The following UGT1A8 variants were observed in gnomAD, a reference collection of about 807,000 sequenced individuals.
The protein encoded by UGT1A8 is UDP glucuronosyltransferase family 1 member A8.
UGT1A8 carries 39 observed loss-of-function variants against 45.3 expected under a neutral mutation model. That is an observed-to-expected ratio of 0.86 (90% CI 0.67 to 1.12). The LOEUF (loss-of-function observed/expected upper bound fraction) is 1.12, where lower values mean the gene tolerates loss of function less well. UGT1A8 is among the 50% of genes most tolerant of loss of function. The pLI is 0.00. For missense variants in UGT1A8, 719 were observed against 664.9 expected, an observed-to-expected ratio of 1.08 and a Z score of -0.90; for synonymous variants, 275 against 249.2, an observed-to-expected ratio of 1.10 and a Z score of -0.97.
At chr2:233,660,847 GC>G (rs1271455589) in intron 1 of UGT1A8, among the ~76,000 whole-genome samples, 1 of 152,086 alleles carries the variant, frequency 6.6e-6, no homozygotes, top group Admixed American at 6.6e-5. Context: ...GAAGTCACCT[GC>G]TACCTCTTGT....
intron 3 of UGT1A8, 72 bp downstream of exon 3, chr2:233,768,008 C>A (rs1699546066): frequency 1.9e-6 from 3 of 1,613,978 alleles, no homozygotes; most frequent in Admixed American, 1.7e-5. Context: ...CACAGCTATT[C>A]TAAAGGATTG....
chr2:233,746,462 G>C (rs1030213757), intron 1 of UGT1A8, among the ~76,000 whole-genome samples: 10 of 151,612 alleles, frequency 6.6e-5, no homozygotes, highest in Admixed American at 3.9e-4. Context: ...CCTTCAAAAG[G>C]GTTCCAGAAA....
At chr2:233,629,243 C>T (rs1200866476) in intron 1 of UGT1A8, among the ~76,000 whole-genome samples, 2 of 152,138 alleles carry the variant, frequency 1.3e-5, no homozygotes, top group Non-Finnish European at 2.9e-5. Flanking sequence ...TAGCTTAGTT[C>T]ACTCTGCACA....
chr2:233,771,170 G>A (rs1309098130), intron 4 of UGT1A8: 1 of 152,100 alleles, frequency 6.6e-6, no homozygotes, highest in African/African-American at 2.4e-5. Flanking sequence ...CCAGCACTGG[G>A]GATTACAATT....
chr2:233,623,184 G>A (rs1373022312), intron 1 of UGT1A8, among the ~76,000 whole-genome samples: 1 of 152,070 alleles, frequency 6.6e-6, no homozygotes, highest in African/African-American at 2.4e-5. Flanking sequence ...TGTTCTTTTT[G>A]CTTAGGATTG....
intron 1 of UGT1A8, among the ~76,000 whole-genome samples, chr2:233,657,336 C>T (rs1180497199): frequency 6.6e-6 from 1 of 152,158 alleles, no homozygotes; most frequent in Non-Finnish European, 1.5e-5. Context: ...CTCAGTTCTG[C>T]AGGCTGTATA....
chr2:233,683,362 A>C (rs1450754793), intron 1 of UGT1A8, among the ~76,000 whole-genome samples: 1 of 152,148 alleles, frequency 6.6e-6, no homozygotes, highest in Non-Finnish European at 1.5e-5. Context: ...TTTGGATGCA[A>C]TGTAGTTTTC....
intron 1 of UGT1A8, among the ~76,000 whole-genome samples, chr2:233,717,417 G>C (rs2076571839): frequency 6.6e-6 from 1 of 152,224 alleles, no homozygotes; most frequent in Non-Finnish European, 1.5e-5. Flanking sequence ...CCTCCCTTGA[G>C]CTGGGTGTCC....
rs45449797 is a variant in UGT1A8, at chr2:233,730,263, G to A, written c.856-36771G>A. ...ACTGGTGTGACTCATAGAGACTGTT[G>A]GTTTGTAAAGGCACCATCTTCATGG... is the stretch of plus-strand genomic sequence containing the variant. On this transcript the variant is annotated intron_variant, in intron 1 of 4. Coordinates refer to ENST00000373450, the MANE Select transcript of UGT1A8 (RefSeq NM_019076.5). 4.3e-4 allele frequency among the ~76,000 whole-genome samples: 66 copies of A among 152,188 alleles called. 2 individuals are homozygous for A. In the East Asian group the frequency reaches 0.011, roughly 26 times the overall value.
intron 1 of UGT1A8, chr2:233,755,452 C>G (rs1440747230): frequency 1.3e-5 from 4 of 306,254 alleles, no homozygotes; most frequent in Non-Finnish European, 2.6e-5. Context: ...GCTCCTGGGA[C>G]TGGCCCTGCT....
intron 1 of UGT1A8, among the ~76,000 whole-genome samples, chr2:233,749,644 T>C (rs1173811229): frequency 2.6e-5 from 4 of 151,860 alleles, no homozygotes; most frequent in Non-Finnish European, 5.9e-5. Flanking sequence ...CCAAATCTCA[T>C]CTTGAATTGT....
At chr2:233,671,136 C>T (rs1442355997) in intron 1 of UGT1A8, among the ~76,000 whole-genome samples, 1 of 152,192 alleles carries the variant, frequency 6.6e-6, no homozygotes, top group Non-Finnish European at 1.5e-5. Context: ...GAGACAAGTA[C>T]ATATTTTCCT....
At chr2:233,677,327 G>A (rs972585847) in intron 1 of UGT1A8, among the ~76,000 whole-genome samples, 1 of 152,056 alleles carries the variant, frequency 6.6e-6, no homozygotes, top group East Asian at 1.9e-4. Context: ...TTCATTGCTA[G>A]TATAGTTGAC....
intron 4 of UGT1A8, 140 bp downstream of exon 4, chr2:233,768,579 CTTCTTTT>C: frequency 1.1e-6 from 1 of 934,852 alleles, no homozygotes; most frequent in Non-Finnish European, 1.4e-6. Context: ...ATTTTTATTT[CTTCTTTT>C]TTTTTTTTTT....
At chr2:233,725,000 C>T (rs545326443) in intron 1 of UGT1A8, among the ~76,000 whole-genome samples, 7 of 147,222 alleles carry the variant, frequency 4.8e-5, no homozygotes, top group Admixed American at 1.4e-4. Context: ...GGCTGGAGAC[C>T]GGCCCGGCCA....
chr2:233,744,651 A>T lies in UGT1A8; in HGVS notation c.856-22383A>T, dbSNP rs887119274. Among the ~76,000 whole-genome samples, 395 of 152,016 alleles carry T rather than the reference A, an allele frequency of 2.6e-3. 3 individuals are homozygous for T. Among genetic ancestry groups the T allele is most frequent in the Middle Eastern group, 6.8e-3 (2 of 294 alleles). On this transcript the variant is annotated intron_variant, in intron 1 of 4. Transcript: ENST00000373450. The stretch of plus-strand genomic sequence containing the variant: ...GATTCTCATGTCAGCTTCTGTATTC[A>T]ATCTACTGTGATATTACACATCACC...
chr2:233,724,959 G>A (rs563380533), intron 1 of UGT1A8, among the ~76,000 whole-genome samples: 3 of 142,486 alleles, frequency 2.1e-5, no homozygotes, highest in African/African-American at 8.2e-5. Context: ...CACCTCGGGA[G>A]GCCGAGGTTG....
At chr2:233,693,254 C>G in intron 1 of UGT1A8, 1 of 1,614,058 alleles carries the variant, frequency 6.2e-7, no homozygotes, top group Non-Finnish European at 8.5e-7. Flanking sequence ...GCCGTATGAC[C>G]AAGAAGAGCT....
intron 1 of UGT1A8, among the ~76,000 whole-genome samples, chr2:233,766,795 T>C (rs1485406690): frequency 1.3e-5 from 2 of 152,194 alleles, no homozygotes; most frequent in African/African-American, 4.8e-5. Flanking sequence ...AACTAGCACA[T>C]TACCTGGATT....
Sources: allele counts gnomAD v4.1 joint callset (sites outside exome capture counted in the v4.1 genomes callset), GRCh38; gene constraint gnomAD v4.1.1; transcripts MANE v1.5; gene names NCBI Gene and HGNC (gene_info 2026-07-23, HGNC 2026-07-21).